Variants in DENND5B observed in about 807,000 individuals in gnomAD.
DENND5B encodes the protein DENN domain containing 5B, also known as DENN domain-containing protein 5B.
DENND5B carries 34 observed loss-of-function variants against 140.6 expected under a neutral mutation model. The ratio of observed to expected loss-of-function variants is 0.24; its 90% CI spans 0.18 to 0.32. The LOEUF (loss-of-function observed/expected upper bound fraction) is 0.32, where lower values mean the gene tolerates loss of function less well. Among genes scored for constraint, DENND5B ranks in the 10% least tolerant of loss-of-function variants. DENND5B has a pLI of 1.00. For missense variants in DENND5B, 1,142 were observed against 1,560.2 expected, an observed-to-expected ratio of 0.73 and a Z score of 4.52; for synonymous variants, 551 against 562.1, an observed-to-expected ratio of 0.98 and a Z score of 0.28.
Position 31,488,471 on chromosome 12 carries a change from T to C in DENND5B, c.237+7339A>G, listed in dbSNP as rs756889582. Among the ~76,000 whole-genome samples, 225 of 152,268 alleles carry C rather than the reference T, an allele frequency of 1.5e-3. 5 individuals are homozygous for C. The highest frequency in any genetic ancestry group is 0.015 in the Admixed American group (223 of 15,284). On this transcript the variant is annotated intron_variant, in intron 2 of 20. Coordinates refer to ENST00000389082, the MANE Select transcript of DENND5B (RefSeq NM_144973.4). Reference sequence around the variant, plus strand: ...TTTCTTGAGCGCACATTCAAACATTTACAGAAAAAGCTTGCCAAAAGTTGT... The same window carrying C: ...TTTCTTGAGCGCACATTCAAACATTCACAGAAAAAGCTTGCCAAAAGTTGT...
intron 1 of DENND5B, among the ~76,000 whole-genome samples, chr12:31,549,898 T>C (rs912591456): frequency 6.6e-6 from 1 of 152,194 alleles, no homozygotes; most frequent in Non-Finnish European, 1.5e-5. Flanking sequence ...TCTTTGCTAC[T>C]GCAGATAGTG....
At chr12:31,434,331 A>G (rs1028166006) in intron 7 of DENND5B, among the ~76,000 whole-genome samples, 3 of 152,282 alleles carry the variant, frequency 2.0e-5, no homozygotes, top group Admixed American at 6.5e-5. Flanking sequence ...TTTCTAAATG[A>G]TTGATAAAAT....
chr12:31,417,463 G>C (rs2137623638), intron 11 of DENND5B, among the ~76,000 whole-genome samples: 1 of 151,414 alleles, frequency 6.6e-6, no homozygotes, highest in South Asian at 2.1e-4. Flanking sequence ...AGCATGCAAA[G>C]TGAGTAATCT....
intron 1 of DENND5B, among the ~76,000 whole-genome samples, chr12:31,537,441 T>C (rs1373316634): frequency 6.6e-6 from 1 of 152,066 alleles, no homozygotes; most frequent in African/African-American, 2.4e-5. Context: ...AGCATCATGG[T>C]AACCTCTAAT....
chr12:31,542,246 C>T (rs1390165557), intron 1 of DENND5B, among the ~76,000 whole-genome samples: 1 of 151,158 alleles, frequency 6.6e-6, no homozygotes, highest in Non-Finnish European at 1.5e-5. Context: ...CGAGATCGCA[C>T]CACTGCACTC....
At chr12:31,487,020 G>A (rs961181843) in intron 2 of DENND5B, among the ~76,000 whole-genome samples, 1 of 152,116 alleles carries the variant, frequency 6.6e-6, no homozygotes, top group African/African-American at 2.4e-5. Flanking sequence ...AACTGCAATG[G>A]AATAATATAC....
At chr12:31,559,530 G>A (rs114669341) in intron 1 of DENND5B, among the ~76,000 whole-genome samples, 34 of 152,146 alleles carry the variant, frequency 2.2e-4, no homozygotes, top group African/African-American at 7.7e-4. Flanking sequence ...ATGTTCAACC[G>A]CTGATGATTT....
chr12:31,478,358 G>A (rs943904494), intron 3 of DENND5B, among the ~76,000 whole-genome samples: 3 of 152,058 alleles, frequency 2.0e-5, no homozygotes, highest in Admixed American at 6.6e-5. Context: ...TAAGCTTGAC[G>A]GCACCAGTCG....
At chr12:31,485,260 C>T (rs139517055) in intron 2 of DENND5B, among the ~76,000 whole-genome samples, 3 of 152,316 alleles carry the variant, frequency 2.0e-5, no homozygotes, top group East Asian at 3.9e-4. Context: ...TGCAGTCATG[C>T]CTCATCCACC....
intron 2 of DENND5B, among the ~76,000 whole-genome samples, chr12:31,493,329 T>C (rs1946605919): frequency 6.6e-6 from 1 of 152,236 alleles, no homozygotes; most frequent in Non-Finnish European, 1.5e-5. Flanking sequence ...CTAGCAGGCA[T>C]CTAGTGAATA....
At chr12:31,538,766 G>A (rs1948587956) in intron 1 of DENND5B, among the ~76,000 whole-genome samples, 1 of 152,090 alleles carries the variant, frequency 6.6e-6, no homozygotes, top group Admixed American at 6.6e-5. Flanking sequence ...TTACTCGGGA[G>A]GCTGAGGCAG....
rs71062425 is a variant in DENND5B at position 31,404,759 on chromosome 12, CTTTTTT to C, written c.2804-2122_2804-2117del. ...ATAAGCCACCGCGTCCGACCTCTAG[CTTTTTT>C]TTTTTTTTTTTGAGACAGAGTTTTG... On this transcript the variant is annotated intron_variant, in intron 14 of 20. Coordinates refer to ENST00000389082, the MANE Select transcript of DENND5B (RefSeq NM_144973.4). Among the ~76,000 whole-genome samples the C allele has an allele frequency of 7.2e-4, 53 of 74,070 alleles. 3 individuals are homozygous for C. The Admixed American group carries it at 8.4e-3, about 12-fold the overall frequency. 48.6% of individuals were successfully genotyped at this position (74,070 alleles called of 152,430 possible).
intron 1 of DENND5B, 78 bp downstream of exon 1, chr12:31,590,628 C>T (rs1205037665): frequency 2.2e-6 from 3 of 1,365,492 alleles, no homozygotes; most frequent in Admixed American, 3.6e-5. Context: ...CTGGAGCCTG[C>T]ACCCCGCCTC....
At chr12:31,506,775 T>C (rs527630643) in intron 1 of DENND5B, among the ~76,000 whole-genome samples, 1 of 152,254 alleles carries the variant, frequency 6.6e-6, no homozygotes, top group African/African-American at 2.4e-5. Context: ...AATGAAGAGA[T>C]ATATAGGGTA....
chr12:31,499,678 A>G, intron 1 of DENND5B: 2 of 1,454,884 alleles, frequency 1.4e-6, no homozygotes, highest in Non-Finnish European at 1.8e-6. Flanking sequence ...AAAACTACAT[A>G]ATGTAACAGA....
intron 1 of DENND5B, among the ~76,000 whole-genome samples, chr12:31,583,232 C>A (rs1272820787): frequency 6.7e-6 from 1 of 149,870 alleles, no homozygotes; most frequent in Admixed American, 6.7e-5. Context: ...GCGGAGATTG[C>A]AGTGAGGAGA....
At chr12:31,388,524 T>C (rs1462536918) in intron 20 of DENND5B, among the ~76,000 whole-genome samples, 1 of 152,154 alleles carries the variant, frequency 6.6e-6, no homozygotes, top group Non-Finnish European at 1.5e-5. Flanking sequence ...CTGACATTAG[T>C]AACCCATTGC....
intron 1 of DENND5B, among the ~76,000 whole-genome samples, chr12:31,579,767 GAGGAAGGAAGGA>G (rs1565715623): frequency 2.5e-4 from 34 of 135,486 alleles, no homozygotes; most frequent in African/African-American, 7.3e-4. Flanking sequence ...GGGAGGAAGG[GAGGAAGGAAGGA>G]AGGAGGGAGG....
intron 1 of DENND5B, among the ~76,000 whole-genome samples, chr12:31,507,602 CTAA>C (rs1375271837): frequency 2.6e-5 from 4 of 151,898 alleles, no homozygotes; most frequent in East Asian, 1.9e-4. Context: ...GTTTGTCATA[CTAA>C]TAATAAAATT....
Sources: gnomAD v4.1 joint callset for allele counts (sites outside exome capture counted in the v4.1 genomes callset) on GRCh38, gnomAD v4.1.1 for gene constraint, MANE v1.5 for transcripts, NCBI Gene and HGNC (gene_info 2026-07-23, HGNC 2026-07-21) for gene names.